The following CNTNAP2 variants were observed in gnomAD, a reference collection of about 807,000 sequenced individuals.
The protein encoded by CNTNAP2 is contactin-associated protein-like 2.
Under a neutral mutation model 155.2 loss-of-function variants are expected in CNTNAP2, and 98 were observed. That is an observed-to-expected ratio of 0.63 (90% CI 0.54 to 0.75). CNTNAP2 has a LOEUF of 0.75. Among genes scored for constraint, CNTNAP2 ranks in the 30% least tolerant of loss-of-function variants. CNTNAP2 has a pLI of 0.00. For synonymous variants in CNTNAP2, 651 were observed against 631.2 expected (o/e 1.03, Z -0.47); for missense variants, 1,727 against 1,688.1 (o/e 1.02, Z -0.40).
chr7:148,057,064 C>T (rs903237469), intron 15 of CNTNAP2, among the ~76,000 whole-genome samples: 4 of 152,146 alleles, frequency 2.6e-5, no homozygotes, highest in South Asian at 2.1e-4. Context: ...TCATCTGTGC[C>T]CACCCTCTTA....
At chr7:147,807,820 T>C (rs1256741747) in intron 13 of CNTNAP2, among the ~76,000 whole-genome samples, 1 of 152,142 alleles carries the variant, frequency 6.6e-6, no homozygotes, top group African/African-American at 2.4e-5. Context: ...ACAGTTTTTC[T>C]AAGAGTTGTT....
chr7:147,733,977 T>G (rs1204175179), intron 13 of CNTNAP2, among the ~76,000 whole-genome samples: 2 of 152,190 alleles, frequency 1.3e-5, no homozygotes, highest in Non-Finnish European at 2.9e-5. Context: ...ACAATTTGAC[T>G]TCCTCTTTTC....
intron 1 of CNTNAP2, among the ~76,000 whole-genome samples, chr7:146,245,376 T>C (rs1799628832): frequency 6.6e-6 from 1 of 151,858 alleles, no homozygotes; most frequent in Non-Finnish European, 1.5e-5. Flanking sequence ...AGGAAGAAAA[T>C]AGATTTTGGA....
At chr7:146,706,899 A>G (rs1800975040) in intron 1 of CNTNAP2, among the ~76,000 whole-genome samples, 3 of 146,528 alleles carry the variant, frequency 2.0e-5, no homozygotes, top group Non-Finnish European at 3.0e-5. Context: ...CTGCACATGT[A>G]CCCCTGAACT....
intron 13 of CNTNAP2, among the ~76,000 whole-genome samples, chr7:147,697,325 A>T (rs540412833): frequency 2.0e-4 from 31 of 152,180 alleles, no homozygotes; most frequent in Admixed American, 5.2e-4. Flanking sequence ...ATTATACTTT[A>T]AAAAAATTCC....
intron 18 of CNTNAP2, among the ~76,000 whole-genome samples, chr7:148,213,307 G>A (rs1309323081): frequency 7.2e-5 from 11 of 152,182 alleles, no homozygotes; most frequent in Admixed American, 6.5e-4. Flanking sequence ...GAGAGTCTCA[G>A]CTCTACATGC....
chr7:147,415,433 C>T (rs1388179333), intron 10 of CNTNAP2, among the ~76,000 whole-genome samples: 1 of 152,130 alleles, frequency 6.6e-6, no homozygotes, highest in Non-Finnish European at 1.5e-5. Context: ...CATGGTTTCC[C>T]CCATGCTGTT....
intron 15 of CNTNAP2, among the ~76,000 whole-genome samples, chr7:148,080,670 C>T (rs112855956): frequency 0.011 from 1,729 of 151,816 alleles, 33 homozygotes; most frequent in African/African-American, 0.039. Context: ...CCTACCTATG[C>T]CTTGCCAAAG....
chr7:147,580,503 A>G (rs1324753548), intron 12 of CNTNAP2, among the ~76,000 whole-genome samples: 1 of 152,216 alleles, frequency 6.6e-6, no homozygotes, highest in African/African-American at 2.4e-5. Context: ...TGGGTTCAGC[A>G]TCTTCACAGA....
At chr7:148,007,803 A>G (rs1802006589) in intron 15 of CNTNAP2, among the ~76,000 whole-genome samples, 2 of 152,310 alleles carry the variant, frequency 1.3e-5, no homozygotes, top group Non-Finnish European at 2.9e-5. Flanking sequence ...TTCCATACTC[A>G]TTAAATATAT....
At chr7:147,091,116 C>T (rs1298723326) in intron 4 of CNTNAP2, among the ~76,000 whole-genome samples, 4 of 151,978 alleles carry the variant, frequency 2.6e-5, no homozygotes, top group South Asian at 2.1e-4. Flanking sequence ...GCATCATGAA[C>T]GCCCCATCGG....
intron 1 of CNTNAP2, among the ~76,000 whole-genome samples, chr7:146,250,463 C>T (rs115190685): frequency 0.01 from 1,567 of 152,258 alleles, 24 homozygotes; most frequent in African/African-American, 0.034. Context: ...AGACTTGTTA[C>T]GACAAACCTG....
intron 13 of CNTNAP2, among the ~76,000 whole-genome samples, chr7:147,680,347 A>G (rs968790051): frequency 2.0e-5 from 3 of 152,032 alleles, no homozygotes; most frequent in Admixed American, 1.3e-4. Flanking sequence ...GGCCACTACA[A>G]TAGCAATGAG....
chr7:147,258,248 A>G (rs1030753526), intron 8 of CNTNAP2, among the ~76,000 whole-genome samples: 1 of 152,220 alleles, frequency 6.6e-6, no homozygotes, highest in Non-Finnish European at 1.5e-5. Context: ...ATAGTGGTAC[A>G]TATTCATAGA....
intron 9 of CNTNAP2, among the ~76,000 whole-genome samples, chr7:147,308,805 G>A (rs1367740029): frequency 1.3e-5 from 2 of 152,106 alleles, no homozygotes; most frequent in Admixed American, 6.6e-5. Context: ...TTCTCAGTCA[G>A]TTCCGAAATT....
chr7:146,464,590 C>A (rs1339892240), intron 1 of CNTNAP2, among the ~76,000 whole-genome samples: 1 of 152,048 alleles, frequency 6.6e-6, no homozygotes, highest in Non-Finnish European at 1.5e-5. Flanking sequence ...CCCTCTTTTT[C>A]TCTTCCTCCT....
chr7:148,309,869 T>C (rs1214135282), intron 21 of CNTNAP2, among the ~76,000 whole-genome samples: 1 of 151,878 alleles, frequency 6.6e-6, no homozygotes, highest in Non-Finnish European at 1.5e-5. Context: ...AATGAAATAG[T>C]GGTAAAGTGT....
intron 10 of CNTNAP2, among the ~76,000 whole-genome samples, chr7:147,423,449 G>A (rs1797330035): frequency 6.6e-6 from 1 of 152,046 alleles, no homozygotes; most frequent in South Asian, 2.1e-4. Context: ...TTTTTGAAGT[G>A]GTTCCAAAAC....
At chr7:146,646,597 T>C (rs1799816308) in intron 1 of CNTNAP2, among the ~76,000 whole-genome samples, 1 of 152,284 alleles carries the variant, frequency 6.6e-6, no homozygotes, top group East Asian at 1.9e-4. Context: ...TAAGTACATT[T>C]CCGGAAGTTC....
Sources: gnomAD v4.1 joint callset for allele counts (sites outside exome capture counted in the v4.1 genomes callset) on GRCh38, gnomAD v4.1.1 for gene constraint, MANE v1.5 for transcripts, NCBI Gene and HGNC (gene_info 2026-07-23, HGNC 2026-07-21) for gene names.